Variants in SLC14A2 observed in about 807,000 individuals in gnomAD.
SLC14A2 encodes solute carrier family 14 member 2.
A neutral mutation model predicts 104.6 loss-of-function variants in SLC14A2; 91 were observed. The observed-to-expected ratio is 0.87, with a 90% CI of 0.73 to 1.04. The LOEUF is 1.04. Ranked by LOEUF, SLC14A2 falls within the 50% of genes least tolerant of loss-of-function variation. The pLI is 0.00. For missense variants in SLC14A2, 1,189 were observed against 1,156.0 expected, an observed-to-expected ratio of 1.03 and a Z score of -0.41; for synonymous variants, 476 against 466.4, an observed-to-expected ratio of 1.02 and a Z score of -0.27.
chr18:45,598,918 C>T (rs1238561427), intron 2 of SLC14A2, among the ~76,000 whole-genome samples: 1 of 152,206 alleles, frequency 6.6e-6, no homozygotes, highest in Non-Finnish European at 1.5e-5. Flanking sequence ...CAAGGGAAGG[C>T]TCTTCCTCCC....
intron 14 of SLC14A2, 80 bp from the exon 15 acceptor site, chr18:45,668,269 A>G: frequency 6.4e-7 from 1 of 1,564,720 alleles, no homozygotes; most frequent in South Asian, 1.2e-5. Context: ...GGCCCCAGAT[A>G]AAAAGAATCT....
chr18:45,438,030 A>G (rs1485018288), intron 1 of SLC14A2: 2 of 152,168 alleles, frequency 1.3e-5, no homozygotes, highest in East Asian at 1.9e-4. Flanking sequence ...AGCCCTTACT[A>G]TATATGAGGG....
At chr18:45,236,181 ATG>A (rs1260013709) in intron 1 of SLC14A2, among the ~76,000 whole-genome samples, 38 of 58,214 alleles carry the variant, frequency 6.5e-4, no homozygotes, top group Non-Finnish European at 1.0e-3. Context: ...ATATACATAT[ATG>A]TGTGTATATA....
chr18:45,171,905 C>T, the SLC14A2 span, among the ~76,000 whole-genome samples: 1 of 152,110 alleles, frequency 6.6e-6, no homozygotes, highest in African/African-American at 2.4e-5. Flanking sequence ...GGCCCAACTT[C>T]TTTCGTTAGC....
chr18:45,439,796 C>T (rs2086654096), intron 1 of SLC14A2, among the ~76,000 whole-genome samples: 1 of 152,160 alleles, frequency 6.6e-6, no homozygotes, highest in Non-Finnish European at 1.5e-5. Context: ...AAGAACCCAA[C>T]AGAGAAGAGA....
At chr18:45,373,707 G>A in intron 1 of SLC14A2, among the ~76,000 whole-genome samples, 1 of 152,190 alleles carries the variant, frequency 6.6e-6, no homozygotes, top group East Asian at 1.9e-4. Flanking sequence ...GTCTGAGGAA[G>A]AGTATAGTGT....
At chr18:45,549,492 G>A (rs774837930) in intron 2 of SLC14A2, among the ~76,000 whole-genome samples, 2 of 152,196 alleles carry the variant, frequency 1.3e-5, no homozygotes, top group Non-Finnish European at 1.5e-5. Flanking sequence ...ACTTGTGAAC[G>A]TGAAAAGGGA....
intron 2 of SLC14A2, among the ~76,000 whole-genome samples, chr18:45,513,151 C>A (rs1056124097): frequency 5.9e-5 from 9 of 152,166 alleles, no homozygotes; most frequent in Admixed American, 1.3e-4. Flanking sequence ...CAGCTTTTAG[C>A]AAACACTTGT....
intron 18 of SLC14A2, among the ~76,000 whole-genome samples, chr18:45,677,486 C>G (rs1435856024): frequency 1.3e-5 from 2 of 152,186 alleles, no homozygotes; most frequent in African/African-American, 4.8e-5. Flanking sequence ...CACTTGTTAG[C>G]CATGTAATCC....
chr18:45,579,420 G>A (rs1422973955), intron 2 of SLC14A2, among the ~76,000 whole-genome samples: 2 of 152,196 alleles, frequency 1.3e-5, no homozygotes, highest in Non-Finnish European at 2.9e-5. Flanking sequence ...ATAGGGTTGG[G>A]GATGGTAGTG....
At chr18:45,403,556 T>C (rs1007180535) in intron 1 of SLC14A2, among the ~76,000 whole-genome samples, 1 of 152,140 alleles carries the variant, frequency 6.6e-6, no homozygotes, top group Non-Finnish European at 1.5e-5. Context: ...CTCCTCCTCA[T>C]GTGAGCTGGC....
intron 18 of SLC14A2, among the ~76,000 whole-genome samples, chr18:45,677,169 C>A (rs2046241066): frequency 6.6e-6 from 1 of 152,240 alleles, no homozygotes; most frequent in South Asian, 2.1e-4. Context: ...CCTATAGCCA[C>A]ACAGGAGCCC....
At chr18:45,318,872 A>C (rs544752472) in intron 1 of SLC14A2, among the ~76,000 whole-genome samples, 1 of 152,086 alleles carries the variant, frequency 6.6e-6, no homozygotes, top group South Asian at 2.1e-4. Flanking sequence ...AGGAGGCCTC[A>C]GTGAATGTGA....
rs986327909 is a variant in SLC14A2 at position 45,525,872 on chromosome 18, T to C, written c.-35+42550T>C. Among the ~76,000 whole-genome samples the C allele has an allele frequency of 2.6e-5, 4 of 152,206 alleles. No individual in the cohort carries two copies. In the East Asian group the frequency reaches 7.7e-4, roughly 29 times the overall value. ...TTTAAAGTAGTTGGTGGTGGCCATTTTGTTTCTAGGTGTTTGCTGAGACAT... is the reference window on the plus strand; with the variant it reads ...TTTAAAGTAGTTGGTGGTGGCCATTCTGTTTCTAGGTGTTTGCTGAGACAT... On this transcript the variant is annotated intron_variant, in intron 2 of 20. Transcript: ENST00000586448.
At chr18:45,479,008 CTG>C (rs1231326459) in intron 1 of SLC14A2, among the ~76,000 whole-genome samples, 11 of 152,244 alleles carry the variant, frequency 7.2e-5, no homozygotes, top group African/African-American at 2.7e-4. Context: ...TTGGCAAACT[CTG>C]TGCTCTGCGA....
chr18:45,423,197 A>G (rs948186506), intron 1 of SLC14A2, among the ~76,000 whole-genome samples: 4 of 152,216 alleles, frequency 2.6e-5, no homozygotes, highest in Non-Finnish European at 5.9e-5. Context: ...GTTGTATTCC[A>G]GCACCGTCCT....
At chr18:45,204,767 C>T in the SLC14A2 span, among the ~76,000 whole-genome samples, 2 of 150,248 alleles carry the variant, frequency 1.3e-5, no homozygotes, top group Admixed American at 1.3e-4. Context: ...AATGCATTTT[C>T]ACGAATTAAA....
At chr18:45,644,193 T>C in intron 10 of SLC14A2, 33 bp downstream of exon 10, 3 of 1,607,012 alleles carry the variant, frequency 1.9e-6, no homozygotes, top group East Asian at 2.2e-5. Context: ...GAAACGCTCT[T>C]TGCCTGACCT....
chr18:45,618,030 C>A (rs117887542), intron 1 of SLC14A2, among the ~76,000 whole-genome samples: 210 of 152,202 alleles, frequency 1.4e-3, no homozygotes, highest in Middle Eastern at 3.4e-3. Context: ...ATGGACAGAA[C>A]TGGAAACAGC....
Sources: gnomAD v4.1 joint callset for allele counts (sites outside exome capture counted in the v4.1 genomes callset) on GRCh38, gnomAD v4.1.1 for gene constraint, MANE v1.5 for transcripts, NCBI Gene and HGNC (gene_info 2026-07-23, HGNC 2026-07-21) for gene names.